The following NECTIN1 variants were observed in gnomAD, a reference collection of about 807,000 sequenced individuals.
The protein encoded by NECTIN1 is nectin cell adhesion molecule 1, also known as nectin-1.
Under a neutral mutation model 48.0 loss-of-function variants are expected in NECTIN1, and 23 were observed. That is an observed-to-expected ratio of 0.48 (90% CI 0.34 to 0.68). NECTIN1 has a LOEUF of 0.68. Ranked by LOEUF, NECTIN1 falls within the 30% of genes least tolerant of loss-of-function variation. NECTIN1 has a pLI of 0.01. For synonymous variants in NECTIN1, 270 were observed against 288.9 expected (o/e 0.93, Z 0.66); for missense variants, 591 against 709.9 (o/e 0.83, Z 1.90).
intron 1 of NECTIN1, chr11:119,713,480 CAG>C (rs1320973922): frequency 6.0e-6 from 1 of 166,974 alleles, no homozygotes; most frequent in Non-Finnish European, 1.3e-5. Flanking sequence ...CCCTAGCTTC[CAG>C]AGTGTTGAGC....
At chr11:119,692,428 T>TGTGTGTGTGTGTGG (rs1288200310) in intron 1 of NECTIN1, among the ~76,000 whole-genome samples, 32 of 151,896 alleles carry the variant, frequency 2.1e-4, no homozygotes, top group African/African-American at 7.2e-4. Context: ...TGTGTGTGTG[T>TGTGTGTGTGTGTGG]GTGGGTGGCG....
At chr11:119,648,956 A>T (rs530223116) in intron 5 of NECTIN1, among the ~76,000 whole-genome samples, 1 of 152,326 alleles carries the variant, frequency 6.6e-6, no homozygotes, top group African/African-American at 2.4e-5. Flanking sequence ...CATGGGTGGC[A>T]ACAGCACTAG....
At chr11:119,642,589 T>C (rs1864342877) in intron 5 of NECTIN1, 2 of 153,630 alleles carry the variant, frequency 1.3e-5, no homozygotes, top group Admixed American at 6.5e-5. Flanking sequence ...GTGGCAGCTG[T>C]CTCTATAAGG....
At position 119,675,145 on chromosome 11, in the gene NECTIN1, A is replaced by T; in HGVS notation, c.1003+14T>A. The T allele has an allele frequency of 6.2e-7, 1 of 1,614,040 alleles. No homozygotes were observed. The highest frequency in any genetic ancestry group is 8.5e-7 in the Non-Finnish European group (1 of 1,180,008). ...CGTGGGTGCGGAGAGGCTGGGGAGG[A>T]TGCAGCTTCCTACCTGTGATATTGA... On this transcript the variant is annotated intron_variant, in intron 5 of 5. Coordinates refer to ENST00000264025, the MANE Select transcript of NECTIN1 (RefSeq NM_002855.5).
chr11:119,714,374 G>A (rs1002488066), intron 1 of NECTIN1, among the ~76,000 whole-genome samples: 1 of 152,142 alleles, frequency 6.6e-6, no homozygotes, highest in African/African-American at 2.4e-5. Context: ...ACCATGGCAC[G>A]AAGCAGCAAC....
intron 4 of NECTIN1, among the ~76,000 whole-genome samples, chr11:119,676,017 A>T (rs1438185183): frequency 6.6e-6 from 1 of 151,552 alleles, no homozygotes; most frequent in African/African-American, 2.4e-5. Flanking sequence ...AAGAAAAAAA[A>T]AAAAATAATA....
chr11:119,671,245 C>G (rs1216332629), intron 5 of NECTIN1, among the ~76,000 whole-genome samples: 2 of 151,994 alleles, frequency 1.3e-5, no homozygotes, highest in African/African-American at 4.8e-5. Flanking sequence ...GTGCCAGGAG[C>G]AGAGCTGCAA....
chr11:119,667,889 C>T (rs1864801227), intron 5 of NECTIN1, among the ~76,000 whole-genome samples: 1 of 152,172 alleles, frequency 6.6e-6, no homozygotes, highest in Non-Finnish European at 1.5e-5. Flanking sequence ...CAAACTGTGG[C>T]CCATGGAATC....
intron 5 of NECTIN1, among the ~76,000 whole-genome samples, chr11:119,648,615 T>A (rs1591439115): frequency 6.6e-6 from 1 of 150,914 alleles, no homozygotes; most frequent in Non-Finnish European, 1.5e-5. Flanking sequence ...TGGTTTGGGG[T>A]TATTGTGCCC....
intron 5 of NECTIN1, among the ~76,000 whole-genome samples, chr11:119,655,904 T>G (rs935313098): frequency 1.3e-5 from 2 of 152,138 alleles, no homozygotes; most frequent in African/African-American, 4.8e-5. Flanking sequence ...TATTTTGATT[T>G]ATTTATTTTA....
intron 1 of NECTIN1, among the ~76,000 whole-genome samples, chr11:119,693,989 C>T (rs1865304726): frequency 6.6e-6 from 1 of 152,154 alleles, no homozygotes; most frequent in South Asian, 2.1e-4. Context: ...GATTGGAAAA[C>T]TAAAATATTG....
intron 5 of NECTIN1, among the ~76,000 whole-genome samples, chr11:119,647,515 C>T (rs557817110): frequency 1.3e-5 from 2 of 152,214 alleles, no homozygotes; most frequent in African/African-American, 4.8e-5. Flanking sequence ...ACCTGACCCC[C>T]AGTCCTCTTG....
rs1443821104 is a variant in NECTIN1, at chr11:119,721,052, GT to G, written c.79+7422del. ...ACAGGCCAAGATTCAGGCCAAGGCTGTTGCGAGGACTCCAGAGTCCATCTCT... is the reference window on the plus strand; with the variant it reads ...ACAGGCCAAGATTCAGGCCAAGGCTGTGCGAGGACTCCAGAGTCCATCTCT... On this transcript the variant is annotated intron_variant, in intron 1 of 5. Transcript: ENST00000264025. Among the ~76,000 whole-genome samples the G allele has an allele frequency of 2.0e-4, 31 of 152,350 alleles. No homozygotes were observed. In the Middle Eastern group the frequency reaches 0.017, roughly 84 times the overall value.
chr11:119,644,976 T>C (rs1429297710), intron 5 of NECTIN1, among the ~76,000 whole-genome samples: 1 of 152,160 alleles, frequency 6.6e-6, no homozygotes, highest in East Asian at 1.9e-4. Flanking sequence ...ACCTTTCTCA[T>C]GAGCTGGATT....
Position 119,677,788 on chromosome 11 carries a change from A to G in NECTIN1, c.500T>C (p.Val167Ala). 6.2e-7 allele frequency: 1 copy of G among 1,614,046 alleles called. No homozygotes were observed. The highest frequency in any genetic ancestry group is 8.5e-7 in the Non-Finnish European group (1 of 1,179,992). Residue 167 changes from valine (V) to alanine (A), a missense_variant, in exon 3 of 6, where the codon GTC (valine) becomes GCC (alanine). By Grantham distance (64) the Val-to-Ala change is moderately conservative. Transcript: ENST00000264025. The surrounding 1 kb of genome is among the most constrained non-coding windows in gnomAD (Gnocchi z 5.4). ...LRAKKGQDDK[V>A]LVATCTSANG... ...GGCTGAGGTGCAGGTGGCCACCAGGACCTTGTCATCCTGCCCCTTCTTGGC... is the reference window on the plus strand; with the variant it reads ...GGCTGAGGTGCAGGTGGCCACCAGGGCCTTGTCATCCTGCCCCTTCTTGGC...
chr11:119,671,627 G>A lies in NECTIN1; in HGVS notation c.1003+3532C>T, dbSNP rs147132241. On this transcript the variant is annotated intron_variant, in intron 5 of 5. Coordinates refer to ENST00000264025, the MANE Select transcript of NECTIN1 (RefSeq NM_002855.5). ...CCTGGCGCTTCCTCAGGCAGGAAATGCTCCGGCATCAGATTAGGCCTGGAA... is the reference window on the plus strand; with the variant it reads ...CCTGGCGCTTCCTCAGGCAGGAAATACTCCGGCATCAGATTAGGCCTGGAA... 4.4e-3 allele frequency among the ~76,000 whole-genome samples: 664 copies of A among 152,290 alleles called. 18 individuals are homozygous for A. The highest frequency in any genetic ancestry group is 3.4e-3 in the Middle Eastern group (1 of 294).
Position 119,661,362 on chromosome 11 carries a change from G to C in NECTIN1, c.*3385C>G. 1.0e-6 allele frequency: 1 copy of C among 986,606 alleles called. No homozygotes were observed. Among genetic ancestry groups the C allele is most frequent in the Non-Finnish European group, 1.2e-6 (1 of 830,534 alleles). 61.1% of individuals were successfully genotyped at this position (986,606 alleles called of 1,614,324 possible). ...CAAGCTGGGCAGTGTTGGCAGCAGTGGCAGCAGCAGAGGGGCCTGCCTCCT... is the reference window on the plus strand; with the variant it reads ...CAAGCTGGGCAGTGTTGGCAGCAGTCGCAGCAGCAGAGGGGCCTGCCTCCT... On this transcript the variant is annotated 3_prime_UTR_variant, in exon 6 of 6. Coordinates refer to ENST00000264025, the MANE Select transcript of NECTIN1 (RefSeq NM_002855.5).
In NECTIN1 at chr11:119,684,443, C is replaced by T. The variant is rs1378436472; in HGVS notation, c.80-5678G>A. ...GGGTGCTGGGCTCCGCCATAAGGGC[C>T]TCTGTGAAATCGATATCCTTCGGGA... On this transcript the variant is annotated intron_variant, in intron 1 of 5. Coordinates refer to ENST00000264025, the MANE Select transcript of NECTIN1 (RefSeq NM_002855.5). This position sits in a 1 kb window ranked among gnomAD's most constrained non-coding sequence, Gnocchi z 5.2. Among the ~76,000 whole-genome samples, 1 of 152,216 alleles carries T rather than the reference C, an allele frequency of 6.6e-6. No homozygotes were observed. The highest frequency in any genetic ancestry group is 1.9e-4 in the East Asian group (1 of 5,188).
intron 5 of NECTIN1, among the ~76,000 whole-genome samples, chr11:119,645,884 C>T (rs199863806): frequency 4.6e-5 from 7 of 152,298 alleles, no homozygotes; most frequent in East Asian, 1.9e-4. Context: ...GACTCAAAAC[C>T]GAAGAAGTCA....
Sources: gnomAD v4.1 joint callset for allele counts (sites outside exome capture counted in the v4.1 genomes callset) on GRCh38, gnomAD v4.1.1 for gene constraint, Gnocchi (gnomAD v3.1) non-coding constraint, MANE v1.5 for transcripts, NCBI Gene and HGNC (gene_info 2026-07-23, HGNC 2026-07-21) for gene names.